The following BBOF1 variants were observed in gnomAD, a reference collection of about 807,000 sequenced individuals.
BBOF1 encodes the protein basal body-orientation factor 1.
A neutral mutation model predicts 68.0 loss-of-function variants in BBOF1; 62 were observed. The ratio of observed to expected loss-of-function variants is 0.91; its 90% CI spans 0.74 to 1.13. BBOF1 has a LOEUF of 1.13. Ranked by LOEUF, BBOF1 falls within the 50% of genes most tolerant of loss-of-function variation. The pLI is 0.00. For missense variants in BBOF1, 534 were observed against 600.1 expected, an observed-to-expected ratio of 0.89 and a Z score of 1.15; for synonymous variants, 208 against 198.8, an observed-to-expected ratio of 1.05 and a Z score of -0.39.
intron 4 of BBOF1, among the ~76,000 whole-genome samples, chr14:74,036,391 G>A (rs1389052102): frequency 6.6e-6 from 1 of 152,018 alleles, no homozygotes; most frequent in African/African-American, 2.4e-5. Context: ...TCCTTCAAGA[G>A]TTGTCTTTCG....
intron 2 of BBOF1, among the ~76,000 whole-genome samples, chr14:74,025,632 G>C (rs2059406233): frequency 6.6e-6 from 1 of 152,132 alleles, no homozygotes; most frequent in African/African-American, 2.4e-5. Context: ...AGTTTTATGT[G>C]ATTTAGGATT....
At position 74,050,088 on chromosome 14, in the gene BBOF1, G is replaced by T. The variant is rs1263226119; in HGVS notation, c.1179G>T (p.Met393Ile). The T allele has an allele frequency of 1.2e-6, 2 of 1,613,900 alleles. No homozygotes were observed. The highest frequency in any genetic ancestry group is 2.7e-5 in the African/African-American group (2 of 74,928). The change falls in exon 8 of 12, where the codon ATG (methionine) becomes ATT (isoleucine). Residue 393 changes from methionine to isoleucine, a missense_variant. Coordinates refer to ENST00000394009, the MANE Select transcript of BBOF1 (RefSeq NM_025057.3). ...QIAQAAFNLK[M>I]RAACTGRTEY... ...CACAAGCTGCTTTCAATTTAAAAATGAGAGCAGCATGTACAGGAAGAACAG... is the reference window on the plus strand; with the variant it reads ...CACAAGCTGCTTTCAATTTAAAAATTAGAGCAGCATGTACAGGAAGAACAG...
downstream of BBOF1, chr14:74,068,890 T>G: frequency 1.9e-6 from 3 of 1,614,076 alleles, no homozygotes; most frequent in Non-Finnish European, 2.5e-6. Context: ...TGCCATGTCT[T>G]GATCCTCTCT....
At position 74,055,618 on chromosome 14, in the gene BBOF1, T is replaced by A; in HGVS notation, c.1321T>A (p.Leu441Met). The A allele has an allele frequency of 6.2e-7, 1 of 1,613,968 alleles. No homozygotes were observed. Among genetic ancestry groups the A allele is most frequent in the East Asian group, 2.2e-5 (1 of 44,848 alleles). Residue 441 changes from leucine to methionine, a missense_variant, in exon 9 of 12, where the codon TTG becomes ATG. Transcript: ENST00000394009. The part of the protein sequence containing the change: ...HIEGNVDIGD[L>M]TWEQKEKVLR... ...TGAAGGAAATGTGGATATTGGAGAT[T>A]TGACCTGGGAGCAGAAGGAAAAAGT...
intron 3 of BBOF1, among the ~76,000 whole-genome samples, chr14:74,031,538 A>G (rs1481430137): frequency 6.6e-6 from 1 of 152,078 alleles, no homozygotes; most frequent in East Asian, 1.9e-4. Flanking sequence ...AACAACAAAC[A>G]TGTATCTCTC....
At chr14:74,050,715 G>C (rs560266864) in intron 8 of BBOF1, among the ~76,000 whole-genome samples, 8 of 151,852 alleles carry the variant, frequency 5.3e-5, no homozygotes. Context: ...TTTTTGATAC[G>C]CATACTTTCA....
chr14:74,024,566 A>G (rs934926646), intron 2 of BBOF1, among the ~76,000 whole-genome samples: 1 of 152,048 alleles, frequency 6.6e-6, no homozygotes, highest in African/African-American at 2.4e-5. Context: ...CCGGGCTCAG[A>G]TGATCCTCCT....
chr14:74,038,330 A>C (rs1053054571), intron 4 of BBOF1, among the ~76,000 whole-genome samples: 13 of 152,220 alleles, frequency 8.5e-5, no homozygotes, highest in Admixed American at 2.6e-4. Flanking sequence ...GAACTCTTAA[A>C]ATAGCCTATG....
intron 4 of BBOF1, among the ~76,000 whole-genome samples, chr14:74,036,615 C>T (rs1338339366): frequency 2.1e-5 from 3 of 141,816 alleles, no homozygotes; most frequent in East Asian, 2.1e-4. Context: ...ACCTGGGAGG[C>T]GGAGGTAACA....
At chr14:74,057,352 G>A in intron 11 of BBOF1, 94 bp downstream of exon 11, 1 of 1,583,826 alleles carries the variant, frequency 6.3e-7, no homozygotes, top group Non-Finnish European at 8.6e-7. Flanking sequence ...TCTACTAGTT[G>A]AGAGACTTCA....
downstream of BBOF1, among the ~76,000 whole-genome samples, chr14:74,069,963 C>T (rs946444363): frequency 4.0e-5 from 6 of 150,964 alleles, no homozygotes; most frequent in Admixed American, 2.6e-4. Context: ...GCTGTCTTCC[C>T]ACCTCATGGG....
intron 4 of BBOF1, among the ~76,000 whole-genome samples, chr14:74,039,592 C>A (rs2059785938): frequency 8.7e-6 from 1 of 114,812 alleles, no homozygotes; most frequent in Non-Finnish European, 1.8e-5. Context: ...TCACGCCTGG[C>A]TAATTTTTTT....
intron 9 of BBOF1, 91 bp downstream of exon 9, chr14:74,055,776 T>TAAAGGGACGGG: frequency 2.1e-6 from 2 of 966,120 alleles, no homozygotes. Context: ...TACTTAGAAC[T>TAAAGGGACGGG]AAAGGGACGG....
At chr14:74,055,541 C>A in intron 8 of BBOF1, 43 bp from the exon 9 acceptor site, 1 of 1,276,154 alleles carries the variant, frequency 7.8e-7, no homozygotes, top group Non-Finnish European at 1.1e-6. Flanking sequence ...CCTATTTGAC[C>A]GTATTTTTCC....
chr14:74,072,244 G>C, intron 9 of BBOF1: 1 of 1,614,228 alleles, frequency 6.2e-7, no homozygotes, highest in Non-Finnish European at 8.5e-7. Flanking sequence ...AGCAAGACCT[G>C]CTGGCGGCTT....
intron 3 of BBOF1, among the ~76,000 whole-genome samples, chr14:74,033,616 C>T (rs2059627697): frequency 6.6e-6 from 1 of 151,666 alleles, no homozygotes; most frequent in East Asian, 1.9e-4. Flanking sequence ...GTGGCTTATG[C>T]CTGTAATCCC....
At chr14:74,078,309 C>T (rs1204450992) in exon 10 of BBOF1, 9 of 454,766 alleles carry the variant, frequency 2.0e-5, no homozygotes, top group Non-Finnish European at 3.5e-5. Flanking sequence ...GAAAAGTGAC[C>T]GAGACAGTGG....
intron 9 of BBOF1, among the ~76,000 whole-genome samples, chr14:74,072,804 AT>A (rs371453504): frequency 2.3e-4 from 34 of 149,488 alleles, no homozygotes; most frequent in Admixed American, 1.4e-3. Flanking sequence ...GTGTGTGTTT[AT>A]TTTTTTTTTG....
At chr14:74,040,757 G>A in intron 5 of BBOF1, 112 bp downstream of exon 5, 1 of 622,320 alleles carries the variant, frequency 1.6e-6, no homozygotes, top group Non-Finnish European at 2.7e-6. Flanking sequence ...AAGATTAGAA[G>A]ATTGTTACCA....
Sources: allele counts gnomAD v4.1 joint callset (sites outside exome capture counted in the v4.1 genomes callset), GRCh38; gene constraint gnomAD v4.1.1; transcripts MANE v1.5; gene names NCBI Gene and HGNC (gene_info 2026-07-23, HGNC 2026-07-21).